The following CLSTN2 variants were observed in gnomAD, a reference collection of about 807,000 sequenced individuals.
CLSTN2 encodes the protein calsyntenin 2, also known as calsyntenin-2.
In CLSTN2, 48 loss-of-function variants were observed where a neutral mutation model predicts 101.2. That is an observed-to-expected ratio of 0.47 (90% CI 0.38 to 0.60). The LOEUF is 0.60. Ranked by LOEUF, CLSTN2 falls within the 20% of genes least tolerant of loss-of-function variation. CLSTN2 has a pLI of 0.00. For synonymous variants in CLSTN2, 481 were observed against 463.6 expected, an observed-to-expected ratio of 1.04 and a Z score of -0.48; for missense variants, 1,160 against 1,238.2, an observed-to-expected ratio of 0.94 and a Z score of 0.95.
At chr3:139,964,988 T>C (rs761177467) in intron 1 of CLSTN2, among the ~76,000 whole-genome samples, 9 of 152,190 alleles carry the variant, frequency 5.9e-5, no homozygotes, top group Admixed American at 5.9e-4. Context: ...TTCATCTTGA[T>C]GGCAGGCTTC....
intron 5 of CLSTN2, among the ~76,000 whole-genome samples, chr3:140,425,959 C>T (rs1401232282): frequency 6.6e-6 from 1 of 152,116 alleles, no homozygotes; most frequent in African/African-American, 2.4e-5. Flanking sequence ...TTGTTCTGAG[C>T]TTTGAGAACT....
intron 1 of CLSTN2, among the ~76,000 whole-genome samples, chr3:139,992,298 A>C (rs1200435413): frequency 6.6e-6 from 1 of 152,200 alleles, no homozygotes; most frequent in African/African-American, 2.4e-5. Flanking sequence ...TAGAGGGAGA[A>C]GAGTAAAATA....
intron 1 of CLSTN2, among the ~76,000 whole-genome samples, chr3:140,037,179 A>G (rs755410779): frequency 1.2e-4 from 19 of 152,330 alleles, no homozygotes; most frequent in Non-Finnish European, 2.4e-4. Context: ...TTGAGCCCGG[A>G]AACTTTCAAA....
chr3:140,376,184 T>C (rs1237586184), intron 2 of CLSTN2, among the ~76,000 whole-genome samples: 1 of 152,158 alleles, frequency 6.6e-6, no homozygotes, highest in African/African-American at 2.4e-5. Flanking sequence ...CTCCCTACTA[T>C]CTAACTGTCT....
chr3:140,538,411 T>C (rs928823715), intron 9 of CLSTN2, among the ~76,000 whole-genome samples: 2 of 152,208 alleles, frequency 1.3e-5, no homozygotes, highest in African/African-American at 4.8e-5. Context: ...GAATCCTCAC[T>C]GTGGCTTTTG....
At chr3:140,372,581 C>A (rs1314985664) in intron 2 of CLSTN2, among the ~76,000 whole-genome samples, 1 of 152,118 alleles carries the variant, frequency 6.6e-6, no homozygotes, top group Non-Finnish European at 1.5e-5. Flanking sequence ...GGTCTCAAGG[C>A]AAGTAATGGT....
chr3:140,324,489 A>G (rs1484774429), intron 2 of CLSTN2, among the ~76,000 whole-genome samples: 1 of 152,238 alleles, frequency 6.6e-6, no homozygotes, highest in Non-Finnish European at 1.5e-5. Flanking sequence ...ATGTATAGGG[A>G]AAAAGAATCT....
At chr3:140,002,776 C>T (rs544292157) in intron 1 of CLSTN2, among the ~76,000 whole-genome samples, 1 of 152,280 alleles carries the variant, frequency 6.6e-6, no homozygotes, top group African/African-American at 2.4e-5. Context: ...CATTCTTCTG[C>T]ATATGGATAT....
chr3:140,369,845 A>G (rs1268488838), intron 2 of CLSTN2, among the ~76,000 whole-genome samples: 2 of 152,204 alleles, frequency 1.3e-5, no homozygotes, highest in East Asian at 3.9e-4. Context: ...TGGCCCCACT[A>G]TGGGTAGCAC....
intron 2 of CLSTN2, among the ~76,000 whole-genome samples, chr3:140,346,127 A>G (rs572562002): frequency 1.1e-4 from 16 of 152,198 alleles, no homozygotes; most frequent in Non-Finnish European, 1.5e-4. Context: ...TTTTTGTGCC[A>G]TTTCTAATTC....
chr3:140,509,961 T>A (rs1463617592), intron 8 of CLSTN2, among the ~76,000 whole-genome samples: 2 of 152,216 alleles, frequency 1.3e-5, no homozygotes, highest in South Asian at 4.1e-4. Context: ...ATACCATAAA[T>A]TAAAAATGTA....
At chr3:140,066,859 C>T (rs2008307659) in intron 1 of CLSTN2, among the ~76,000 whole-genome samples, 1 of 152,228 alleles carries the variant, frequency 6.6e-6, no homozygotes, top group Non-Finnish European at 1.5e-5. Flanking sequence ...TTGTTCTTCT[C>T]TTTGCTGTGA....
chr3:140,175,567 A>C (rs1264680540), intron 1 of CLSTN2, among the ~76,000 whole-genome samples: 1 of 152,198 alleles, frequency 6.6e-6, no homozygotes, highest in Non-Finnish European at 1.5e-5. Flanking sequence ...TTAACTCTGA[A>C]ACATCTATTA....
intron 4 of CLSTN2, among the ~76,000 whole-genome samples, chr3:140,409,624 C>G (rs561770696): frequency 6.6e-6 from 1 of 152,280 alleles, no homozygotes; most frequent in African/African-American, 2.4e-5. Context: ...GACTCTTACA[C>G]AAGACTACAA....
At chr3:140,184,065 T>C (rs148960326) in intron 2 of CLSTN2, among the ~76,000 whole-genome samples, 3 of 152,300 alleles carry the variant, frequency 2.0e-5, no homozygotes, top group South Asian at 4.1e-4. Context: ...CAGCTGGGCT[T>C]GTTTATGTCT....
intron 2 of CLSTN2, among the ~76,000 whole-genome samples, chr3:140,321,265 A>G (rs940726412): frequency 2.0e-5 from 3 of 152,180 alleles, no homozygotes; most frequent in African/African-American, 7.2e-5. Flanking sequence ...CCATAGGCGC[A>G]GAGTAAATCT....
chr3:140,414,353 C>G (rs1224532448), intron 4 of CLSTN2, among the ~76,000 whole-genome samples: 1 of 151,914 alleles, frequency 6.6e-6, no homozygotes, highest in Non-Finnish European at 1.5e-5. Context: ...TATCTGTACA[C>G]AGAAAACTAT....
At chr3:140,053,890 T>C (rs2008049095) in intron 1 of CLSTN2, among the ~76,000 whole-genome samples, 1 of 152,190 alleles carries the variant, frequency 6.6e-6, no homozygotes, top group South Asian at 2.1e-4. Context: ...GTAAGGAACC[T>C]TTTTCACTGA....
intron 1 of CLSTN2, among the ~76,000 whole-genome samples, chr3:140,152,220 G>A (rs2009879603): frequency 1.3e-5 from 2 of 151,988 alleles, no homozygotes; most frequent in Admixed American, 6.6e-5. Context: ...AGCTTTTCCA[G>A]GCAGAGCCAC....
Sources: gnomAD v4.1 joint callset for allele counts (sites outside exome capture counted in the v4.1 genomes callset) on GRCh38, gnomAD v4.1.1 for gene constraint, MANE v1.5 for transcripts, NCBI Gene and HGNC (gene_info 2026-07-23, HGNC 2026-07-21) for gene names.